The following ZPBP variants were observed in gnomAD, a reference collection of about 807,000 sequenced individuals.
ZPBP encodes the protein zona pellucida-binding protein 1.
ZPBP carries 26 observed loss-of-function variants against 44.8 expected under a neutral mutation model. The ratio of observed to expected loss-of-function variants is 0.58; its 90% confidence interval spans 0.43 to 0.81. The LOEUF (loss-of-function observed/expected upper bound fraction) is 0.81. ZPBP is among the 30% of genes least tolerant of loss of function. ZPBP has a pLI of 0.00. For missense variants in ZPBP, 409 were observed against 434.0 expected (o/e 0.94, Z 0.51); for synonymous variants, 174 against 153.2 (o/e 1.14, Z -1.00).
chr7:50,012,790 T>G (rs914955063), intron 6 of ZPBP, among the ~76,000 whole-genome samples: 17 of 150,410 alleles, frequency 1.1e-4, no homozygotes, highest in African/African-American at 4.2e-4. Context: ...ATTACAGGTA[T>G]TCAGAGAAAA....
intron 4 of ZPBP, among the ~76,000 whole-genome samples, chr7:50,041,913 G>T (rs1006058143): frequency 9.2e-5 from 14 of 152,162 alleles, no homozygotes; most frequent in Non-Finnish European, 1.3e-4. Context: ...ATGCAAGGAA[G>T]CTAAGAACCT....
At chr7:50,037,631 C>CTT (rs1799882112) in intron 4 of ZPBP, among the ~76,000 whole-genome samples, 1 of 152,106 alleles carries the variant, frequency 6.6e-6, no homozygotes. Context: ...AGGAAATCCG[C>CTT]CCCCATGATC....
At chr7:50,066,261 CTTT>C (rs527909643) in intron 3 of ZPBP, among the ~76,000 whole-genome samples, 2 of 142,458 alleles carry the variant, frequency 1.4e-5, no homozygotes, top group African/African-American at 5.2e-5. Flanking sequence ...AGCTCTCTTT[CTTT>C]TTTTTTTTTC....
intron 2 of ZPBP, among the ~76,000 whole-genome samples, chr7:49,892,565 C>A (rs964922435): frequency 2.0e-5 from 3 of 152,136 alleles, no homozygotes; most frequent in African/African-American, 7.2e-5. Flanking sequence ...GCTTCCCAGG[C>A]CCTGGTCATG....
intron 4 of ZPBP, among the ~76,000 whole-genome samples, chr7:50,040,904 C>T (rs1236802129): frequency 2.6e-5 from 4 of 152,192 alleles, no homozygotes; most frequent in Non-Finnish European, 1.5e-5. Context: ...CTAAGATCCA[C>T]TGGCTTGAAA....
intron 6 of ZPBP, among the ~76,000 whole-genome samples, chr7:49,986,938 G>A (rs1023813789): frequency 6.6e-6 from 1 of 152,126 alleles, no homozygotes; most frequent in Admixed American, 6.5e-5. Flanking sequence ...TTCGCTGCAG[G>A]CCTTCATCTT....
At chr7:49,996,603 A>G (rs973213954) in intron 6 of ZPBP, among the ~76,000 whole-genome samples, 20 of 152,188 alleles carry the variant, frequency 1.3e-4, no homozygotes, top group African/African-American at 4.6e-4. Flanking sequence ...GTCTTTTCAC[A>G]AGGGGATCCA....
In ZPBP at chr7:50,005,837, G is replaced by A. The variant is rs1339496151; in HGVS notation, c.783+12403C>T. Among the ~76,000 whole-genome samples the A allele has an allele frequency of 1.1e-3, 86 of 79,238 alleles. 4 individuals carry two copies. The highest frequency in any genetic ancestry group is 2.8e-3 in the African/African-American group (84 of 30,168). The allele number at this position is 79,238 out of a possible 152,430, so 52.0% of individuals were successfully genotyped here. A position where few individuals can be genotyped will look rare whatever the true frequency, so the allele number is the denominator to read the frequency against. On this transcript the variant is annotated intron_variant, in intron 6 of 7. Transcript: ENST00000046087. ...CATAACTATATATGTGTGTGTGTGT[G>A]TGTGTGTGTGTGTGTGTGTGTGTGT...
intron 3 of ZPBP, among the ~76,000 whole-genome samples, 184 bp from the exon 4 acceptor site, chr7:50,058,325 C>T (rs551279564): frequency 6.6e-6 from 1 of 152,262 alleles, no homozygotes; most frequent in Non-Finnish European, 1.5e-5. Context: ...TTCTTACTGC[C>T]AGATGTTCAC....
chr7:50,018,900 A>C (rs1798947947), intron 5 of ZPBP, among the ~76,000 whole-genome samples: 1 of 152,044 alleles, frequency 6.6e-6, no homozygotes, highest in Non-Finnish European at 1.5e-5. Flanking sequence ...CTTGGGATAC[A>C]TAAGTGAACA....
chr7:49,850,974 C>T (rs1790154556), intron 2 of ZPBP, among the ~76,000 whole-genome samples: 1 of 152,206 alleles, frequency 6.6e-6, no homozygotes, highest in Admixed American at 6.5e-5. Context: ...AACCTGAGAA[C>T]CTGAGTGGCT....
At chr7:50,055,410 T>C (rs1584132369) in intron 4 of ZPBP, among the ~76,000 whole-genome samples, 2 of 152,182 alleles carry the variant, frequency 1.3e-5, no homozygotes, top group South Asian at 4.1e-4. Flanking sequence ...AAAGTCAGTT[T>C]ATTAATCTGG....
chr7:49,890,239 G>T (rs1792071934), intron 2 of ZPBP, among the ~76,000 whole-genome samples: 1 of 152,162 alleles, frequency 6.6e-6, no homozygotes, highest in Admixed American at 6.5e-5. Flanking sequence ...CCCAGGTCAA[G>T]CGTATTTGAT....
chr7:49,924,055 G>A (rs1466359880), intron 1 of ZPBP, among the ~76,000 whole-genome samples: 2 of 152,094 alleles, frequency 1.3e-5, no homozygotes, highest in East Asian at 1.9e-4. Flanking sequence ...CCGGGGAGGC[G>A]GAGGTTGCAG....
chr7:49,985,229 T>C (rs959211479), intron 6 of ZPBP, among the ~76,000 whole-genome samples: 2 of 152,234 alleles, frequency 1.3e-5, no homozygotes, highest in Non-Finnish European at 2.9e-5. Flanking sequence ...CTTAAATATA[T>C]GTATTTCTCA....
At chr7:49,860,478 G>C (rs1308832129) in intron 2 of ZPBP, among the ~76,000 whole-genome samples, 1 of 152,148 alleles carries the variant, frequency 6.6e-6, no homozygotes, top group African/African-American at 2.4e-5. Flanking sequence ...TGTATATGCC[G>C]TGATTTGTTG....
chr7:49,879,096 G>A (rs1024985289), intron 2 of ZPBP, among the ~76,000 whole-genome samples: 2 of 151,910 alleles, frequency 1.3e-5, no homozygotes, highest in Admixed American at 6.6e-5. Flanking sequence ...AATCCTCAAA[G>A]GTCTCTGCTT....
intron 1 of ZPBP, chr7:49,918,765 A>G (rs566180325): frequency 6.6e-6 from 1 of 152,336 alleles, no homozygotes; most frequent in Admixed American, 6.5e-5. Context: ...TATGGTGGGT[A>G]ACTTATCCAA....
intron 6 of ZPBP, among the ~76,000 whole-genome samples, chr7:49,999,509 TCCCACACTTTA>T (rs1798002596): frequency 6.6e-6 from 1 of 152,028 alleles, no homozygotes; most frequent in African/African-American, 2.4e-5. Flanking sequence ...GGACAAGAAG[TCCCACACTTTA>T]CCATCTGCAA....
Sources: gnomAD v4.1 joint callset for allele counts (sites outside exome capture counted in the v4.1 genomes callset) on GRCh38, gnomAD v4.1.1 for gene constraint, MANE v1.5 for transcripts, NCBI Gene and HGNC (gene_info 2026-07-23, HGNC 2026-07-21) for gene names.